Variants in SH3RF2 observed in about 807,000 individuals in gnomAD.
SH3RF2 encodes E3 ubiquitin-protein ligase SH3RF2.
A neutral mutation model predicts 59.0 loss-of-function variants in SH3RF2; 43 were observed. That is an observed-to-expected ratio of 0.73 (90% CI 0.57 to 0.94). The LOEUF (loss-of-function observed/expected upper bound fraction) is 0.94, where lower values mean the gene tolerates loss of function less well. Among genes scored for constraint, SH3RF2 ranks in the 40% least tolerant of loss-of-function variants. The pLI, the probability that SH3RF2 is intolerant of heterozygous loss-of-function variation, is 0.00. For synonymous variants in SH3RF2, 391 were observed against 391.5 expected (o/e 1.00, Z 0.01); for missense variants, 930 against 940.1 (o/e 0.99, Z 0.14).
intron 2 of SH3RF2, among the ~76,000 whole-genome samples, chr5:145,969,036 A>G (rs947920819): frequency 4.6e-5 from 7 of 152,166 alleles, no homozygotes; most frequent in African/African-American, 1.7e-4. Flanking sequence ...TAAGTATCTG[A>G]ATTTGCTTCT....
intron 2 of SH3RF2, among the ~76,000 whole-genome samples, chr5:145,943,061 T>A (rs2149939748): frequency 6.6e-6 from 1 of 151,698 alleles, no homozygotes; most frequent in African/African-American, 2.4e-5. Flanking sequence ...GAGATTAAAA[T>A]GATATACATA....
At chr5:146,040,267 G>A (rs1263005508) in intron 5 of SH3RF2, among the ~76,000 whole-genome samples, 1 of 152,108 alleles carries the variant, frequency 6.6e-6, no homozygotes, top group Non-Finnish European at 1.5e-5. Flanking sequence ...ATGTATGCAG[G>A]TATCTGTTAT....
At chr5:146,057,966 C>CTCTCTCTCTG (rs796279528) in intron 8 of SH3RF2, among the ~76,000 whole-genome samples, 1 of 72,926 alleles carries the variant, frequency 1.4e-5, no homozygotes, top group African/African-American at 3.9e-5. Flanking sequence ...CTCTCTCTCT[C>CTCTCTCTCTG]TCTATCTATC....
chr5:146,071,397 A>T (rs1343211696), intron 9 of SH3RF2, among the ~76,000 whole-genome samples: 4 of 152,258 alleles, frequency 2.6e-5, no homozygotes, highest in African/African-American at 7.2e-5. Context: ...AACAACAGTC[A>T]AACAGTCAGA....
chr5:146,004,671 TTATGGAGAATAA>T (rs60593983), intron 4 of SH3RF2, among the ~76,000 whole-genome samples: 85,061 of 150,142 alleles, frequency 0.57, 24,572 homozygotes, highest in South Asian at 0.79. Flanking sequence ...AGAATAATAT[TTATGGAGAATAA>T]TATGGAGAAT....
chr5:146,008,940 A>G (rs1760761679), intron 4 of SH3RF2, among the ~76,000 whole-genome samples: 1 of 152,244 alleles, frequency 6.6e-6, no homozygotes, highest in African/African-American at 2.4e-5. Context: ...GGGATTACCC[A>G]TGCTGTTTCA....
At chr5:145,962,624 C>T (rs1349762014) in intron 2 of SH3RF2, among the ~76,000 whole-genome samples, 1 of 152,068 alleles carries the variant, frequency 6.6e-6, no homozygotes, top group African/African-American at 2.4e-5. Flanking sequence ...CCTCATCCTC[C>T]CCTTCTATAT....
chr5:145,962,914 T>C (rs1047866450), intron 2 of SH3RF2, among the ~76,000 whole-genome samples: 1 of 140,374 alleles, frequency 7.1e-6, no homozygotes, highest in Admixed American at 7.5e-5. Flanking sequence ...TTTTTTTTTT[T>C]AGAGACGGAG....
chr5:145,972,837 G>C (rs942805316), intron 2 of SH3RF2, among the ~76,000 whole-genome samples: 1 of 152,144 alleles, frequency 6.6e-6, no homozygotes, highest in South Asian at 2.1e-4. Context: ...GGCTGGCAGC[G>C]TGCAATACCC....
intron 2 of SH3RF2, among the ~76,000 whole-genome samples, chr5:145,989,742 T>A (rs1168373028): frequency 6.6e-6 from 1 of 152,204 alleles, no homozygotes; most frequent in Non-Finnish European, 1.5e-5. Flanking sequence ...TGGGAAGCAT[T>A]GCCAGGGTGT....
At chr5:145,971,457 A>G (rs755399732) in intron 2 of SH3RF2, among the ~76,000 whole-genome samples, 81 of 152,240 alleles carry the variant, frequency 5.3e-4, no homozygotes, top group Non-Finnish European at 9.4e-4. Context: ...GTACGGTGTC[A>G]GGATTATTAT....
intron 2 of SH3RF2, among the ~76,000 whole-genome samples, chr5:145,998,523 G>A (rs1760261556): frequency 6.6e-6 from 1 of 152,042 alleles, no homozygotes; most frequent in South Asian, 2.1e-4. Context: ...ATGCAGGTAT[G>A]CCCCAGAGAT....
At chr5:145,945,035 A>G (rs1561703089) in intron 2 of SH3RF2, among the ~76,000 whole-genome samples, 1 of 152,214 alleles carries the variant, frequency 6.6e-6, no homozygotes, top group East Asian at 1.9e-4. Flanking sequence ...TAGTCAGTAT[A>G]CCTGTATACA....
intron 9 of SH3RF2, among the ~76,000 whole-genome samples, chr5:146,072,912 C>A (rs1456496028): frequency 6.6e-6 from 1 of 152,198 alleles, no homozygotes; most frequent in Non-Finnish European, 1.5e-5. Context: ...TTGTGCTTTC[C>A]TCAAGTGGTT....
In SH3RF2 at chr5:145,937,862, C is replaced by G. The variant is rs964281899; in HGVS notation, c.-67C>G. On this transcript the variant is annotated 5_prime_UTR_variant, in exon 2 of 10. Coordinates refer to ENST00000359120, the MANE Select transcript of SH3RF2 (RefSeq NM_152550.4). Reference sequence around the variant, plus strand: ...GTTCTCAAGAGACCAGCTCTGCCCCCGTGGCTCAACTGACCCTACCATGTG... The same window carrying G: ...GTTCTCAAGAGACCAGCTCTGCCCCGGTGGCTCAACTGACCCTACCATGTG... The G allele has an allele frequency of 2.6e-6, 4 of 1,538,788 alleles. No homozygotes were observed. Among genetic ancestry groups the G allele is most frequent in the Admixed American group, 3.9e-5 (2 of 51,638 alleles).
At chr5:146,028,700 ACAGG>A (rs1469567136) in intron 5 of SH3RF2, among the ~76,000 whole-genome samples, 6 of 152,250 alleles carry the variant, frequency 3.9e-5, no homozygotes, top group Non-Finnish European at 7.3e-5. Context: ...AGAATGTAGC[ACAGG>A]GTCTGGCTTG....
At chr5:146,077,325 G>A (rs1220734290) in intron 9 of SH3RF2, among the ~76,000 whole-genome samples, 1 of 152,226 alleles carries the variant, frequency 6.6e-6, no homozygotes, top group African/African-American at 2.4e-5. Context: ...TCATAGGAAT[G>A]CAGGTTGAGT....
chr5:146,000,656 C>A (rs995555411), intron 3 of SH3RF2, among the ~76,000 whole-genome samples: 2 of 152,014 alleles, frequency 1.3e-5, no homozygotes, highest in Non-Finnish European at 2.9e-5. Flanking sequence ...TATCCTGAAA[C>A]CATTGTAGAA....
chr5:145,983,603 C>T (rs1223445585), intron 2 of SH3RF2, among the ~76,000 whole-genome samples: 11 of 152,148 alleles, frequency 7.2e-5, no homozygotes, highest in Admixed American at 1.3e-4. Context: ...GAGCTGCTTT[C>T]TTTGGCTCAT....
Sources: allele counts gnomAD v4.1 joint callset (sites outside exome capture counted in the v4.1 genomes callset), GRCh38; gene constraint gnomAD v4.1.1; transcripts MANE v1.5; gene names NCBI Gene and HGNC (gene_info 2026-07-23, HGNC 2026-07-21).